ABI1: variants seen among roughly 807,000 people sequenced by gnomAD.
The protein encoded by ABI1 is Abelson interactor 1.
A neutral mutation model predicts 54.6 loss-of-function variants in ABI1; 14 were observed. The observed-to-expected ratio is 0.26, with a 90% CI of 0.17 to 0.40. The LOEUF (loss-of-function observed/expected upper bound fraction) is 0.40. ABI1 is among the 10% of genes least tolerant of loss of function. The pLI, the probability that ABI1 is intolerant of heterozygous loss-of-function variation, is 1.00. For missense variants in ABI1, 443 were observed against 598.3 expected (o/e 0.74, Z 2.71); for synonymous variants, 194 against 209.3 (o/e 0.93, Z 0.63).
chr10:26,771,273 C>A (rs999163965), intron 3 of ABI1, among the ~76,000 whole-genome samples, 184 bp from the exon 4 acceptor site: 4 of 152,118 alleles, frequency 2.6e-5, no homozygotes, highest in Non-Finnish European at 5.9e-5. Flanking sequence ...TCATGTGTTT[C>A]ATGTATTTTT....
chr10:26,788,089 C>G (rs1203728759), intron 2 of ABI1, among the ~76,000 whole-genome samples: 1 of 152,280 alleles, frequency 6.6e-6, no homozygotes, highest in East Asian at 1.9e-4. Context: ...ATTTTAATCA[C>G]GGGGTCGGTT....
chr10:26,823,105 A>T (rs531460662), intron 2 of ABI1, 33 bp downstream of exon 2: 49 of 1,537,084 alleles, frequency 3.2e-5, no homozygotes, highest in African/African-American at 4.3e-5. Context: ...AGTTTTTTTT[A>T]AATTGAATTT....
intron 2 of ABI1, among the ~76,000 whole-genome samples, chr10:26,788,708 C>G (rs938153686): frequency 6.6e-6 from 1 of 151,976 alleles, no homozygotes; most frequent in African/African-American, 2.4e-5. Flanking sequence ...GTCAGGAGAT[C>G]GAGACTATCC....
intron 1 of ABI1, among the ~76,000 whole-genome samples, chr10:26,829,165 G>A (rs1564551826): frequency 6.6e-6 from 1 of 151,604 alleles, no homozygotes; most frequent in Non-Finnish European, 1.5e-5. Flanking sequence ...GACGGAGCTT[G>A]CAGTGAGCCC....
At chr10:26,787,547 C>T (rs901190133) in intron 2 of ABI1, among the ~76,000 whole-genome samples, 1 of 152,062 alleles carries the variant, frequency 6.6e-6, no homozygotes, top group Non-Finnish European at 1.5e-5. Flanking sequence ...ACAACATGTC[C>T]AGCAAAGCAC....
intron 1 of ABI1, among the ~76,000 whole-genome samples, chr10:26,836,721 T>C (rs1306115608): frequency 6.6e-6 from 1 of 152,204 alleles, no homozygotes; most frequent in Non-Finnish European, 1.5e-5. Context: ...GTAAAGAATG[T>C]GAATCCTTGA....
At chr10:26,771,142 G>C in intron 3 of ABI1, 53 bp from the exon 4 acceptor site, 1 of 1,586,314 alleles carries the variant, frequency 6.3e-7, no homozygotes, top group Non-Finnish European at 8.7e-7. Context: ...TGCTAGGTAA[G>C]TTATATCCGA....
At position 26,811,774 on chromosome 10, in the gene ABI1, T is replaced by C. The variant is rs550550338; in HGVS notation, c.285+11364A>G. Among the ~76,000 whole-genome samples, 542 of 135,338 alleles carry C rather than the reference T, an allele frequency of 4.0e-3. 3 individuals carry two copies. Among genetic ancestry groups the C allele is most frequent in the African/African-American group, 0.013 (513 of 40,176 alleles). The allele number at this position is 135,338 out of a possible 152,430, so 88.8% of individuals were successfully genotyped here. ...TTATGCAAAGATTTGTATAAATTTG[T>C]ATAAATTTATGCAAAGATTTGTATA... On this transcript the variant is annotated intron_variant, in intron 2 of 10. Coordinates refer to ENST00000376140, the MANE Select transcript of ABI1 (RefSeq NM_001012750.3).
intron 2 of ABI1, among the ~76,000 whole-genome samples, chr10:26,798,306 A>G (rs1440041398): frequency 6.6e-6 from 1 of 151,208 alleles, no homozygotes; most frequent in Non-Finnish European, 1.5e-5. Context: ...GCTATCCAGT[A>G]TTGGGGGGGG....
chr10:26,770,940 G>A, intron 4 of ABI1, 135 bp downstream of exon 4: 2 of 864,248 alleles, frequency 2.3e-6, no homozygotes, highest in Non-Finnish European at 3.8e-6. Flanking sequence ...CTGAACTTGA[G>A]TATTAAATAA....
At chr10:26,855,360 T>C (rs997530510) in intron 1 of ABI1, among the ~76,000 whole-genome samples, 1 of 152,214 alleles carries the variant, frequency 6.6e-6, no homozygotes, top group African/African-American at 2.4e-5. Flanking sequence ...TTTTGAGTTC[T>C]AGATTCTTTC....
chr10:26,799,521 G>C (rs2133341501), intron 2 of ABI1, among the ~76,000 whole-genome samples: 2 of 152,278 alleles, frequency 1.3e-5, no homozygotes, highest in East Asian at 3.9e-4. Flanking sequence ...AAAACTGCAG[G>C]TGGCTAGAAA....
intron 2 of ABI1, among the ~76,000 whole-genome samples, chr10:26,817,395 T>TTCTA (rs1438524279): frequency 6.6e-6 from 1 of 152,174 alleles, no homozygotes; most frequent in Non-Finnish European, 1.5e-5. Context: ...CTAGATTCTG[T>TTCTA]TCTACAAAAA....
chr10:26,757,403 T>C (rs1838454180), intron 8 of ABI1, among the ~76,000 whole-genome samples: 1 of 118,740 alleles, frequency 8.4e-6, no homozygotes, highest in African/African-American at 4.2e-5. Flanking sequence ...AAACTATGTA[T>C]TATATAAAAA....
At chr10:26,859,919 A>G (rs1219362639) in intron 1 of ABI1, among the ~76,000 whole-genome samples, 1 of 152,172 alleles carries the variant, frequency 6.6e-6, no homozygotes, top group Non-Finnish European at 1.5e-5. Context: ...TTCGTGTTTG[A>G]TAATTAATGA....
intron 2 of ABI1, among the ~76,000 whole-genome samples, chr10:26,814,242 A>C (rs143904185): frequency 3.9e-5 from 6 of 152,328 alleles, no homozygotes; most frequent in African/African-American, 1.4e-4. Flanking sequence ...AAATCAGTGG[A>C]TCATCTATGA....
intron 2 of ABI1, among the ~76,000 whole-genome samples, chr10:26,821,207 T>C (rs1265740473): frequency 2.9e-5 from 4 of 137,258 alleles, no homozygotes; most frequent in South Asian, 2.2e-4. Context: ...ATCATGCCAC[T>C]GCACACCAGC....
chr10:26,773,855 A>C (rs1841049189), intron 3 of ABI1, among the ~76,000 whole-genome samples: 1 of 152,184 alleles, frequency 6.6e-6, no homozygotes, highest in South Asian at 2.1e-4. Context: ...TGTGGTCTGA[A>C]GCTGCCCGAT....
At chr10:26,785,724 G>T (rs1251380061) in intron 2 of ABI1, among the ~76,000 whole-genome samples, 1 of 150,538 alleles carries the variant, frequency 6.6e-6, no homozygotes, top group South Asian at 2.1e-4. Flanking sequence ...GACTCTGTCT[G>T]GGAAAAAAAA....
Sources: gnomAD v4.1 joint callset for allele counts (sites outside exome capture counted in the v4.1 genomes callset) on GRCh38, gnomAD v4.1.1 for gene constraint, MANE v1.5 for transcripts, NCBI Gene and HGNC (gene_info 2026-07-23, HGNC 2026-07-21) for gene names.